DSCAML1: variants seen among roughly 807,000 people sequenced by gnomAD.
DSCAML1 encodes the protein cell adhesion molecule DSCAML1.
In DSCAML1, 38 loss-of-function variants were observed where a neutral mutation model predicts 200.5. That is an observed-to-expected ratio of 0.19 (90% confidence interval 0.15 to 0.25). DSCAML1 has a LOEUF of 0.25. Ranked by LOEUF, DSCAML1 falls within the 10% of genes least tolerant of loss-of-function variation. The pLI is 1.00. For synonymous variants in DSCAML1, 1,215 were observed against 1,165.0 expected (o/e 1.04, Z -0.87); for missense variants, 2,223 against 2,858.8 (o/e 0.78, Z 5.07).
rs1247460273 is a variant in DSCAML1, at chr11:117,505,799, C to G, written c.1784-67G>C. ...TCTCACCTGGCCGCCAACGCCGCCT[C>G]ACCTGCCTTACCTGGGGCTCTGGGT... On this transcript the variant is annotated intron_variant, in intron 8 of 32. Coordinates refer to ENST00000651296, the MANE Select transcript of DSCAML1 (RefSeq NM_020693.4). This position sits in a 1 kb window ranked among gnomAD's most constrained non-coding sequence, Gnocchi z 6.7. The G allele has an allele frequency of 6.5e-7, 1 of 1,537,468 alleles. No homozygotes were observed. The highest frequency in any genetic ancestry group is 8.7e-7 in the Non-Finnish European group (1 of 1,143,982).
intron 3 of DSCAML1, among the ~76,000 whole-genome samples, chr11:117,564,111 T>C (rs1723693435): frequency 6.6e-6 from 1 of 152,230 alleles, no homozygotes; most frequent in African/African-American, 2.4e-5. Flanking sequence ...AGTTCTATTT[T>C]TGGGAAAAGA....
At chr11:117,730,010 C>A (rs1311734784) in intron 3 of DSCAML1, among the ~76,000 whole-genome samples, 1 of 152,148 alleles carries the variant, frequency 6.6e-6, no homozygotes, top group Non-Finnish European at 1.5e-5. Flanking sequence ...ACCATCCTGG[C>A]CAACATGGTG....
intron 3 of DSCAML1, among the ~76,000 whole-genome samples, chr11:117,631,046 ATATTT>A (rs536531380): frequency 1.3e-5 from 2 of 152,352 alleles, no homozygotes; most frequent in African/African-American, 4.8e-5. Context: ...TGAAATTCTA[ATATTT>A]TATAGGAGGG....
intron 3 of DSCAML1, among the ~76,000 whole-genome samples, chr11:117,650,172 C>T (rs536014435): frequency 6.6e-6 from 1 of 152,308 alleles, no homozygotes; most frequent in African/African-American, 2.4e-5. Flanking sequence ...CGCCCTGTGC[C>T]TTCTCAGTCT....
intron 1 of DSCAML1, among the ~76,000 whole-genome samples, chr11:117,796,685 C>T (rs1025452535): frequency 1.3e-5 from 2 of 152,170 alleles, no homozygotes; most frequent in African/African-American, 4.8e-5. Context: ...GAGGGCACTC[C>T]GGGGTCCCAG....
chr11:117,428,507 G>T lies in DSCAML1; in HGVS notation c.5983C>A (p.Pro1995Thr). The T allele has an allele frequency of 6.8e-7, 1 of 1,480,740 alleles. No individual in the cohort carries two copies. Among genetic ancestry groups the T allele is most frequent in the Non-Finnish European group, 9.1e-7 (1 of 1,096,416 alleles). 91.7% of individuals were successfully genotyped at this position (1,480,740 alleles called of 1,614,324 possible). A position where few individuals can be genotyped will look rare whatever the true frequency, so the allele number is the denominator to read the frequency against. The stretch of plus-strand genomic sequence containing the variant: ...GGGGCAGCGCTGGGGGCGGTGGGTG[G>T]CTCAGCAGGGGTGGGGCCGGGGGCT... ...PPAPGPTPAEPPTAPSAAPPA... is the reference protein window; with the variant it reads ...PPAPGPTPAETPTAPSAAPPA... The change falls in exon 33 of 33, where the codon CCA becomes ACA. Residue 1995 changes from proline to threonine, a missense_variant. This residue lies in a region of DSCAML1 where 280 missense variants were observed against 213.4 expected (regional missense o/e 1.31). Transcript: ENST00000651296.
intron 3 of DSCAML1, among the ~76,000 whole-genome samples, chr11:117,548,527 T>A (rs2050418012): frequency 6.6e-6 from 1 of 152,208 alleles, no homozygotes; most frequent in East Asian, 1.9e-4. Flanking sequence ...GCTCCCACCG[T>A]TGGGCCACAG....
intron 8 of DSCAML1, among the ~76,000 whole-genome samples, chr11:117,506,929 C>G (rs1489013148): frequency 6.6e-6 from 1 of 152,142 alleles, no homozygotes; most frequent in Non-Finnish European, 1.5e-5. Context: ...GCAGGACAAC[C>G]AGTTGGTTAG....
chr11:117,541,911 C>T (rs1218505712), intron 3 of DSCAML1, among the ~76,000 whole-genome samples: 1 of 152,168 alleles, frequency 6.6e-6, no homozygotes. Context: ...GAAATGCTAC[C>T]CCCAGCCCGA....
rs1055344283 is a variant in DSCAML1 at position 117,699,596 on chromosome 11, G to A, written c.511+77195C>T. 5.1e-4 allele frequency among the ~76,000 whole-genome samples: 78 copies of A among 152,266 alleles called. 1 individual carries two copies. Among genetic ancestry groups the A allele is most frequent in the South Asian group, 1.0e-3 (5 of 4,814 alleles). ...ACCACCTTCCACATCCACATGCACC[G>A]CAGTTTCACACCAAGACCCGGAGCT... On this transcript the variant is annotated intron_variant, in intron 3 of 32. Coordinates refer to ENST00000651296, the MANE Select transcript of DSCAML1 (RefSeq NM_020693.4).
At chr11:117,578,944 T>C (rs2050996652) in intron 3 of DSCAML1, among the ~76,000 whole-genome samples, 1 of 152,132 alleles carries the variant, frequency 6.6e-6, no homozygotes, top group Non-Finnish European at 1.5e-5. Flanking sequence ...GTCTTCCCAT[T>C]CCCCATGAAG....
chr11:117,745,325 G>C (rs2137851827), intron 3 of DSCAML1, among the ~76,000 whole-genome samples: 1 of 152,064 alleles, frequency 6.6e-6, no homozygotes, highest in Admixed American at 6.5e-5. Flanking sequence ...AGTCAATTAA[G>C]AAAAAACAAC....
chr11:117,529,089 G>A (rs961669926), intron 4 of DSCAML1, among the ~76,000 whole-genome samples: 3 of 151,218 alleles, frequency 2.0e-5, no homozygotes, highest in African/African-American at 7.4e-5. Context: ...ATTTATTTTG[G>A]AGACAGAGTC....
intron 3 of DSCAML1, among the ~76,000 whole-genome samples, chr11:117,534,725 C>T (rs1592705300): frequency 6.6e-6 from 1 of 152,104 alleles, no homozygotes; most frequent in Non-Finnish European, 1.5e-5. Context: ...TCCTCGCACC[C>T]CAGCCTCCCC....
rs750482830 is a variant in DSCAML1 at position 117,438,973 on chromosome 11, G to A, written c.4155C>T (p.Asp1385=). Residue 1385 remains aspartate (D), a synonymous_variant, in exon 24 of 33, where the codon GAC becomes GAT. Transcript: ENST00000651296. ...TTTTGGAGACAGTGAGGCGGGGCTG[G>A]TCCGGGGGAACTGTGAGGGGAAAGC... ...IVNLLVQVPP[D]QPRLTVSKTS... is the part of the protein sequence containing the mutation. The A allele has an allele frequency of 5.6e-6, 9 of 1,604,818 alleles. No individual in the cohort carries two copies. The African/African-American group carries it at 1.1e-4, about 19-fold the overall frequency.
At chr11:117,691,373 C>A (rs532117807) in intron 3 of DSCAML1, among the ~76,000 whole-genome samples, 1 of 152,182 alleles carries the variant, frequency 6.6e-6, no homozygotes. Flanking sequence ...ACGGCCTCCC[C>A]ACTCCCACTG....
At chr11:117,464,838 A>G in intron 17 of DSCAML1, 104 bp downstream of exon 17, 2 of 1,525,860 alleles carry the variant, frequency 1.3e-6, no homozygotes, top group Non-Finnish European at 1.8e-6. Flanking sequence ...CAGGACCAAA[A>G]TGGGGCCCAG....
chr11:117,640,276 C>T (rs762195798), intron 3 of DSCAML1, among the ~76,000 whole-genome samples: 1 of 152,234 alleles, frequency 6.6e-6, no homozygotes, highest in African/African-American at 2.4e-5. Context: ...CAAGGCAGCC[C>T]GTTCCATCGC....
At chr11:117,577,533 CCTTTCCTTCCT>C in intron 3 of DSCAML1, among the ~76,000 whole-genome samples, 1 of 72,280 alleles carries the variant, frequency 1.4e-5, no homozygotes, top group Non-Finnish European at 2.6e-5. Context: ...TTCCTTCCTT[CCTTTCCTTCCT>C]TCCCTCCCTC....
Sources: allele counts gnomAD v4.1 joint callset (sites outside exome capture counted in the v4.1 genomes callset), GRCh38; gene constraint gnomAD v4.1.1; regional missense constraint gnomAD v4.1.1; non-coding constraint Gnocchi (gnomAD v3.1); transcripts MANE v1.5; gene names NCBI Gene and HGNC (gene_info 2026-07-23, HGNC 2026-07-21).